G3BP2: variants seen among roughly 807,000 people sequenced by gnomAD.
The protein encoded by G3BP2 is G3BP stress granule assembly factor 2.
G3BP2 carries 11 observed loss-of-function variants against 56.7 expected under a neutral mutation model. The observed-to-expected ratio is 0.19, with a 90% CI of 0.12 to 0.32. The LOEUF is 0.32. G3BP2 is among the 10% of genes least tolerant of loss of function. The probability of loss-of-function intolerance (pLI) is 1.00; values close to 1 mark genes in which losing one functional copy is unlikely to be tolerated. For synonymous variants in G3BP2, 165 were observed against 191.6 expected (o/e 0.86, Z 1.15); for missense variants, 340 against 610.9 (o/e 0.56, Z 4.67).
chr4:75,661,909 A>G (rs769659719), intron 2 of G3BP2, 22 bp downstream of exon 2: 14 of 1,257,688 alleles, frequency 1.1e-5, no homozygotes, highest in Non-Finnish European at 1.5e-5. Context: ...TAAAAATACC[A>G]AATTATTTGT....
At chr4:75,698,198 G>C (rs180746262) in intron 3 of G3BP2, among the ~76,000 whole-genome samples, 2 of 152,112 alleles carry the variant, frequency 1.3e-5, no homozygotes, top group African/African-American at 4.8e-5. Context: ...GTAATACAGA[G>C]AGTCCTCATA....
chr4:75,662,089 C>T, intron 1 of G3BP2, 40 bp from the exon 2 acceptor site: 1 of 1,126,638 alleles, frequency 8.9e-7, no homozygotes, highest in Non-Finnish European at 1.3e-6. Flanking sequence ...AAAAAGTCAT[C>T]TTTGTCATCA....
At chr4:75,674,840 A>G (rs1733802428), upstream of G3BP2, among the ~76,000 whole-genome samples, 1 of 150,050 alleles carries the variant, frequency 6.7e-6, no homozygotes, top group African/African-American at 2.5e-5. Flanking sequence ...CTCCTGCCTC[A>G]GGCTCCCTAG....
chr4:75,649,759 C>T (rs1382636691), intron 8 of G3BP2, among the ~76,000 whole-genome samples: 1 of 152,196 alleles, frequency 6.6e-6, no homozygotes, highest in Non-Finnish European at 1.5e-5. Flanking sequence ...CATGTAATCC[C>T]AGCACTTTGG....
chr4:75,680,695 A>G (rs1365409367), intron 3 of G3BP2, among the ~76,000 whole-genome samples: 3 of 152,146 alleles, frequency 2.0e-5, no homozygotes, highest in Non-Finnish European at 2.9e-5. Flanking sequence ...AGCCAGGCGC[A>G]GTGGCTCACG....
upstream of G3BP2, among the ~76,000 whole-genome samples, chr4:75,678,227 C>T (rs558344171): frequency 2.0e-5 from 3 of 152,142 alleles, no homozygotes; most frequent in Admixed American, 6.6e-5. Context: ...GCGATCATAG[C>T]TCATTGCAGC....
At chr4:75,663,421 G>A (rs1400474128) in intron 1 of G3BP2, among the ~76,000 whole-genome samples, 2 of 152,202 alleles carry the variant, frequency 1.3e-5, no homozygotes, top group Non-Finnish European at 2.9e-5. Context: ...GCATGCACCT[G>A]GCTAATTTTT....
intron 8 of G3BP2, 54 bp from the exon 9 acceptor site, chr4:75,648,795 C>T: frequency 9.5e-7 from 1 of 1,052,478 alleles, no homozygotes. Flanking sequence ...GGAGAAAAAC[C>T]AACCAAAGCA....
At chr4:75,661,908 C>A in intron 2 of G3BP2, 23 bp downstream of exon 2, 1 of 1,241,032 alleles carries the variant, frequency 8.1e-7, no homozygotes, top group Non-Finnish European at 1.2e-6. Flanking sequence ...ATAAAAATAC[C>A]AAATTATTTG....
chr4:75,695,314 A>T (rs1719058647), intron 3 of G3BP2, among the ~76,000 whole-genome samples: 1 of 152,206 alleles, frequency 6.6e-6, no homozygotes, highest in Non-Finnish European at 1.5e-5. Flanking sequence ...TCTAAGATCC[A>T]CATAAGCTGT....
chr4:75,676,582 A>G (rs975272195), upstream of G3BP2, among the ~76,000 whole-genome samples: 1 of 152,114 alleles, frequency 6.6e-6, no homozygotes, highest in Non-Finnish European at 1.5e-5. Flanking sequence ...ACCTCAAGTG[A>G]TCCACCCACT....
At chr4:75,645,735 G>A (rs201566291) in intron 11 of G3BP2, 33 bp from the exon 12 acceptor site, 36 of 1,594,646 alleles carry the variant, frequency 2.3e-5, no homozygotes, top group Non-Finnish European at 2.9e-5. Flanking sequence ...ATTTACATGG[G>A]CAGGTTAGAC....
intron 3 of G3BP2, among the ~76,000 whole-genome samples, chr4:75,703,397 A>G (rs1285647400): frequency 6.6e-6 from 1 of 152,048 alleles, no homozygotes; most frequent in Non-Finnish European, 1.5e-5. Flanking sequence ...AATCCACACC[A>G]CTTACCCTTA....
At chr4:75,680,939 C>T (rs1428450197) in intron 3 of G3BP2, among the ~76,000 whole-genome samples, 1 of 143,468 alleles carries the variant, frequency 7.0e-6, no homozygotes, top group Non-Finnish European at 1.5e-5. Flanking sequence ...CTGCATTCCA[C>T]CCTGGCGACA....
chr4:75,716,761 C>T (rs950721570), intron 3 of G3BP2, among the ~76,000 whole-genome samples: 3 of 152,094 alleles, frequency 2.0e-5, no homozygotes, highest in Admixed American at 1.3e-4. Flanking sequence ...GTGATCCACC[C>T]GCCTTGGCCT....
chr4:75,646,961 A>C, intron 10 of G3BP2, 68 bp downstream of exon 10: 2 of 945,056 alleles, frequency 2.1e-6, no homozygotes, highest in Non-Finnish European at 3.1e-6. Flanking sequence ...GTTATTAAAA[A>C]AGCTCCATAT....
At position 75,644,698 on chromosome 4, in the gene G3BP2, C is replaced by T. The variant is rs1362761441; in HGVS notation, c.*732G>A. 6.6e-6 allele frequency: 1 copy of T among 152,648 alleles called. No individual in the cohort carries two copies. The highest frequency in any genetic ancestry group is 2.4e-5 in the African/African-American group (1 of 41,444). The allele number at this position is 152,648 out of a possible 1,614,324, so 9.5% of individuals were successfully genotyped here. A position where few individuals can be genotyped will look rare whatever the true frequency, so the allele number is the denominator to read the frequency against. On this transcript the variant is annotated 3_prime_UTR_variant, in exon 12 of 12. Coordinates refer to ENST00000359707, the MANE Select transcript of G3BP2 (RefSeq NM_203505.3). ...TAGAAAAATCTTAGATATGGAGCTA[C>T]TAAATCTGGTCTAATAGTCAAGACC... is the stretch of plus-strand genomic sequence containing the variant.
intron 3 of G3BP2, among the ~76,000 whole-genome samples, chr4:75,682,562 T>C (rs1316335389): frequency 2.0e-5 from 3 of 152,200 alleles, no homozygotes; most frequent in Non-Finnish European, 4.4e-5. Flanking sequence ...TTCGTTCAGC[T>C]CCCAGGTTAT....
intron 3 of G3BP2, among the ~76,000 whole-genome samples, chr4:75,697,492 T>C (rs1439977120): frequency 6.6e-6 from 1 of 152,082 alleles, no homozygotes; most frequent in Non-Finnish European, 1.5e-5. Flanking sequence ...TTCCATAATA[T>C]AGATTTTAAA....
Sources: gnomAD v4.1 joint callset for allele counts (sites outside exome capture counted in the v4.1 genomes callset) on GRCh38, gnomAD v4.1.1 for gene constraint, MANE v1.5 for transcripts, NCBI Gene and HGNC (gene_info 2026-07-23, HGNC 2026-07-21) for gene names.